Variants in SMG6 observed in about 807,000 individuals in gnomAD.
The protein encoded by SMG6 is SMG6 nonsense mediated mRNA decay factor, also known as telomerase-binding protein EST1A.
In SMG6, 66 loss-of-function variants were observed where a neutral mutation model predicts 142.2. That is an observed-to-expected ratio of 0.46 (90% confidence interval 0.38 to 0.57). The LOEUF (loss-of-function observed/expected upper bound fraction) is 0.57. SMG6 is among the 20% of genes least tolerant of loss of function. SMG6 has a pLI of 0.00. For missense variants in SMG6, 1,793 were observed against 1,832.0 expected (o/e 0.98, Z 0.39); for synonymous variants, 779 against 702.4 (o/e 1.11, Z -1.72).
Position 2,283,635 on chromosome 17 carries a change from G to A in SMG6, c.2438C>T (p.Thr813Ile), listed in dbSNP as rs1246851621. 4 of 1,613,740 alleles carry A rather than the reference G, an allele frequency of 2.5e-6. No homozygotes were observed. The East Asian group carries it at 8.9e-5, about 36-fold the overall frequency. ...CACATCCCCACTCACCTTCCGCTTGGTCTCTTCAAACAAGCTCATGAGACT... is the reference window on the plus strand; with the variant it reads ...CACATCCCCACTCACCTTCCGCTTGATCTCTTCAAACAAGCTCATGAGACT... Reference protein sequence around the residue: ...KESLMSLFEETKRKAEQMEKK... With the variant: ...KESLMSLFEEIKRKAEQMEKK... Residue 813 changes from threonine to isoleucine, a missense_variant, in exon 7 of 19, where the codon ACC (threonine) becomes ATC (isoleucine). Around this residue, in one of 3 missense-constraint regions of SMG6, gnomAD observed 1,597 missense variants for 1,584.6 expected, o/e 1.01. Coordinates refer to ENST00000263073, the MANE Select transcript of SMG6 (RefSeq NM_017575.5).
chr17:2,103,545 T>C (rs1453664011), intron 13 of SMG6, among the ~76,000 whole-genome samples: 1 of 152,174 alleles, frequency 6.6e-6, no homozygotes, highest in Non-Finnish European at 1.5e-5. Context: ...GTTTTTGGCT[T>C]TCTGTGAAGC....
chr17:2,196,078 A>T lies in SMG6; in HGVS notation c.2870-7563T>A, dbSNP rs569834536. On this transcript the variant is annotated intron_variant, in intron 10 of 18. Transcript: ENST00000263073. ...AAATGAAATATTCAGGTATAAGTCT[A>T]ACAGAACGTACGGAAACGCTATGCT... is the stretch of plus-strand genomic sequence containing the variant. 3.9e-5 allele frequency among the ~76,000 whole-genome samples: 6 copies of T among 152,360 alleles called. No homozygotes were observed. The South Asian group carries it at 1.2e-3, about 32-fold the overall frequency.
chr17:2,121,548 TAC>T (rs60301937), intron 13 of SMG6, among the ~76,000 whole-genome samples: 52,965 of 148,478 alleles, frequency 0.36, 10,570 homozygotes, highest in African/African-American at 0.51. Flanking sequence ...TATTTATATA[TAC>T]ACACACACAC....
intron 13 of SMG6, among the ~76,000 whole-genome samples, chr17:2,158,426 T>A (rs1348176389): frequency 6.6e-6 from 1 of 152,240 alleles, no homozygotes; most frequent in Non-Finnish European, 1.5e-5. Flanking sequence ...TGGTTATTTC[T>A]GAGTTTACTG....
intron 13 of SMG6, among the ~76,000 whole-genome samples, chr17:2,115,100 G>T (rs1006637204): frequency 2.0e-5 from 3 of 151,990 alleles, no homozygotes; most frequent in Non-Finnish European, 4.4e-5. Context: ...GGTGTGGGTG[G>T]CCAGATGAGG....
chr17:2,185,831 T>G (rs2071965053), intron 12 of SMG6, among the ~76,000 whole-genome samples: 1 of 151,094 alleles, frequency 6.6e-6, no homozygotes, highest in African/African-American at 2.4e-5. Flanking sequence ...AGGGCATGAG[T>G]GAATGGAAGA....
chr17:2,116,237 A>G (rs1393360823), intron 13 of SMG6, among the ~76,000 whole-genome samples: 1 of 151,480 alleles, frequency 6.6e-6, no homozygotes, highest in Non-Finnish European at 1.5e-5. Flanking sequence ...CTGCCCAGCT[A>G]TTTTTTATTT....
chr17:2,118,598 C>CT (rs35884470), intron 13 of SMG6, among the ~76,000 whole-genome samples: 5,204 of 135,750 alleles, frequency 0.038, 121 homozygotes, highest in South Asian at 0.065. Context: ...ATCTAGATAG[C>CT]TTTTTTTTTT....
intron 13 of SMG6, among the ~76,000 whole-genome samples, chr17:2,128,869 CA>C (rs1214531433): frequency 7.1e-6 from 1 of 140,170 alleles, no homozygotes; most frequent in African/African-American, 2.7e-5. Context: ...AAGAGGAAGA[CA>C]AAAAGACAGA....
At chr17:2,189,447 G>A (rs1333162820) in intron 10 of SMG6, among the ~76,000 whole-genome samples, 1 of 152,164 alleles carries the variant, frequency 6.6e-6, no homozygotes, top group Non-Finnish European at 1.5e-5. Flanking sequence ...CAGCCTCCGA[G>A]GAGGAGACAC....
chr17:2,272,066 G>A (rs2074552497), intron 8 of SMG6, among the ~76,000 whole-genome samples: 1 of 152,150 alleles, frequency 6.6e-6, no homozygotes, highest in African/African-American at 2.4e-5. Flanking sequence ...TATCTTATGG[G>A]AGATCAGCCC....
At chr17:2,172,471 C>T (rs1367220475) in intron 13 of SMG6, among the ~76,000 whole-genome samples, 187 bp downstream of exon 13, 3 of 151,544 alleles carry the variant, frequency 2.0e-5, no homozygotes, top group Admixed American at 6.6e-5. Context: ...CAAAGGAAGT[C>T]GAGAGGGCTT....
In SMG6 at chr17:2,061,472, G is replaced by A. The variant is rs2067773779; in HGVS notation, c.*20C>T. 6.4e-7 allele frequency: 1 copy of A among 1,565,828 alleles called. No homozygotes were observed. The highest frequency in any genetic ancestry group is 1.4e-5 in the African/African-American group (1 of 74,060). On this transcript the variant is annotated 3_prime_UTR_variant, in exon 19 of 19. Transcript: ENST00000263073. ...CTTTCAGGAACGGTTCCACGGGGGG[G>A]GGGCCCCAGTGTGGCTCCCTCAGCC...
At chr17:2,232,784 C>G (rs1031134980) in intron 10 of SMG6, 1 of 152,196 alleles carries the variant, frequency 6.6e-6, no homozygotes, top group African/African-American at 2.4e-5. Flanking sequence ...AATAATGTGG[C>G]ATTACTCAAC....
intron 13 of SMG6, among the ~76,000 whole-genome samples, chr17:2,121,262 C>A (rs946587160): frequency 7.0e-6 from 1 of 143,038 alleles, no homozygotes; most frequent in Admixed American, 7.0e-5. Flanking sequence ...TCACTGTCAA[C>A]CAGATAAACT....
intron 10 of SMG6, chr17:2,232,548 C>T (rs565113575): frequency 6.6e-6 from 1 of 152,378 alleles, no homozygotes; most frequent in East Asian, 1.9e-4. Context: ...ATGCCTAATA[C>T]ATACCAGGCC....
chr17:2,283,812 C>T (rs1567747105), intron 6 of SMG6, 77 bp from the exon 7 acceptor site: 2 of 1,084,014 alleles, frequency 1.8e-6, no homozygotes, highest in Non-Finnish European at 2.8e-6. Flanking sequence ...ACTCAGGAAA[C>T]CCTACTATCT....
In SMG6 at chr17:2,165,046, G is replaced by A. The variant is rs1048634744; in HGVS notation, c.3357+7612C>T. 3.9e-5 allele frequency among the ~76,000 whole-genome samples: 6 copies of A among 152,204 alleles called. No individual in the cohort carries two copies. The South Asian group carries it at 8.3e-4, about 21-fold the overall frequency. ...AGACATAAACCTCTTTGGGGTGGGG[G>A]TGTTACTTTGCCTACCACAAAGGGT... On this transcript the variant is annotated intron_variant, in intron 13 of 18. Transcript: ENST00000263073.
chr17:2,206,873 G>A (rs1478943921), intron 10 of SMG6, among the ~76,000 whole-genome samples: 1 of 152,002 alleles, frequency 6.6e-6, no homozygotes, highest in East Asian at 1.9e-4. Context: ...GGGCAACAGA[G>A]TGAGACACCT....
Sources: allele counts gnomAD v4.1 joint callset (sites outside exome capture counted in the v4.1 genomes callset), GRCh38; gene constraint gnomAD v4.1.1; regional missense constraint gnomAD v4.1.1; transcripts MANE v1.5; gene names NCBI Gene and HGNC (gene_info 2026-07-23, HGNC 2026-07-21).